Variants in THOC6 observed in about 807,000 individuals in gnomAD.
THOC6 encodes THO complex 6.
THOC6 carries 39 observed loss-of-function variants against 55.8 expected under a neutral mutation model. That is an observed-to-expected ratio of 0.70 (90% CI 0.54 to 0.91). THOC6 has a LOEUF of 0.91. THOC6 is among the 40% of genes least tolerant of loss of function. The pLI is 0.00. For synonymous variants in THOC6, 192 were observed against 175.6 expected, an observed-to-expected ratio of 1.09 and a Z score of -0.74; for missense variants, 482 against 442.0, an observed-to-expected ratio of 1.09 and a Z score of -0.81.
chr16:3,027,120 C>T (rs2072816572), intron 10 of THOC6, 47 bp downstream of exon 10: 2 of 1,614,128 alleles, frequency 1.2e-6, no homozygotes, highest in Non-Finnish European at 1.7e-6. Context: ...CGGGCCCTGT[C>T]AGCTGTGGGC....
rs1445930551 is a variant in THOC6 at position 3,026,283 on chromosome 16, AT to A, written c.358del (p.Tyr120ThrfsTer151). ...CKELWRRQPP[Y>X]RTSLEVPEIN... The stretch of plus-strand genomic sequence containing the variant: ...AGGAGCTGTGGCGTCGTCAGCCTCC[AT>A]ACAGGTGAGCAGGGCCACGTGGATA... On this transcript the variant is annotated frameshift_variant, in exon 5 of 13. Transcript: ENST00000326266. LOFTEE classifies it high-confidence loss of function. 1 of 1,614,154 alleles carries A rather than the reference AT, an allele frequency of 6.2e-7. No homozygotes were observed. The highest frequency in any genetic ancestry group is 2.2e-5 in the East Asian group (1 of 44,878).
intron 3 of THOC6, 25 bp from the exon 4 acceptor site, chr16:3,026,038 C>T (rs1217190441): frequency 4.3e-6 from 7 of 1,614,076 alleles, no homozygotes; most frequent in Non-Finnish European, 5.9e-6. Flanking sequence ...GGGATTGGCT[C>T]ACTCAGTTCT....
At chr16:3,024,924 C>CA (rs1567413789) in intron 1 of THOC6, among the ~76,000 whole-genome samples, 2 of 142,054 alleles carry the variant, frequency 1.4e-5, no homozygotes, top group Non-Finnish European at 3.1e-5. Flanking sequence ...TGTGAGCCAC[C>CA]ACGCCCGGCC....
chr16:3,027,558 A>G lies in THOC6; in HGVS notation c.946-19A>G. 6.2e-7 allele frequency: 1 copy of G among 1,613,510 alleles called. No homozygotes were observed. The highest frequency in any genetic ancestry group is 1.3e-5 in the African/African-American group (1 of 75,034). On this transcript the variant is annotated intron_variant, in intron 12 of 12. Coordinates refer to ENST00000326266, the MANE Select transcript of THOC6 (RefSeq NM_024339.5). The stretch of plus-strand genomic sequence containing the variant: ...AGGCAGGGGTGTGGGCAGGCCAGTC[A>G]TGCCCCTCTTTCCTCCAGGTCCTGA...
chr16:3,025,575 G>A (rs555830350), intron 1 of THOC6, 133 bp from the exon 2 acceptor site: 17 of 752,952 alleles, frequency 2.3e-5, no homozygotes, highest in South Asian at 1.4e-4. Context: ...GGCTTGGGGC[G>A]GGGCCGCCTC....
chr16:3,024,355 C>A lies in THOC6; in HGVS notation c.29C>A (p.Pro10His). 6.2e-7 allele frequency: 1 copy of A among 1,614,144 alleles called. No individual in the cohort carries two copies. The highest frequency in any genetic ancestry group is 8.5e-7 in the Non-Finnish European group (1 of 1,180,012). Residue 10 changes from proline to histidine, a missense_variant, in exon 1 of 13, where the codon CCT becomes CAT. Physicochemically the swap from Pro to His is moderately conservative, Grantham distance 77 (BLOSUM62 -2). Transcript: ENST00000326266. MERAVPLAV[P>H]LGQTEVFQAL... ...GAGCGAGCTGTGCCGCTCGCGGTGC[C>A]TCTGGGTCAGGTGAGACGGACGTGG...
rs1422098478 is a variant in THOC6, at chr16:3,027,659, C to T, written c.*2C>T. Reference sequence around the variant, plus strand: ...CGAGCCTTCTCCCTGTCCTTCTGATCTCTGACGACACCCCCAGCCAGCTCA... The same window carrying T: ...CGAGCCTTCTCCCTGTCCTTCTGATTTCTGACGACACCCCCAGCCAGCTCA... On this transcript the variant is annotated 3_prime_UTR_variant, in exon 13 of 13. Coordinates refer to ENST00000326266, the MANE Select transcript of THOC6 (RefSeq NM_024339.5). 1 of 1,613,664 alleles carries T rather than the reference C, an allele frequency of 6.2e-7. No homozygotes were observed. Among genetic ancestry groups the T allele is most frequent in the African/African-American group, 1.3e-5 (1 of 74,862 alleles).
intron 6 of THOC6, 47 bp downstream of exon 6, chr16:3,026,460 C>T (rs1316939449): frequency 5.6e-6 from 9 of 1,614,120 alleles, no homozygotes; most frequent in Non-Finnish European, 7.6e-6. Flanking sequence ...TGATCCTTCA[C>T]CCTCTGCCTA....
Position 3,027,188 on chromosome 16 carries a change from G to A in THOC6, c.718G>A (p.Ala240Thr). ...TGTCCAGGTCTGTGGAGGGGGCCCA[G>A]CCCTCACCCTCTGGCACCTCCGATC... The part of the protein sequence containing the change: ...SDWMVCGGGP[A>T]LTLWHLRSST... The change falls in exon 11 of 13, where the codon GCC becomes ACC. Residue 240 changes from alanine to threonine, a missense_variant. Coordinates refer to ENST00000326266, the MANE Select transcript of THOC6 (RefSeq NM_024339.5). 10 of 1,614,060 alleles carry A rather than the reference G, an allele frequency of 6.2e-6. No individual in the cohort carries two copies. The highest frequency in any genetic ancestry group is 8.5e-6 in the Non-Finnish European group (10 of 1,179,988).
At position 3,027,267 on chromosome 16, in the gene THOC6, T is replaced by C. The variant is rs1713019883; in HGVS notation, c.797T>C (p.Phe266Ser). 1 of 1,614,070 alleles carries C rather than the reference T, an allele frequency of 6.2e-7. No homozygotes were observed. The highest frequency in any genetic ancestry group is 1.7e-5 in the Admixed American group (1 of 60,014). Reference protein sequence around the residue: ...PIRAPQKHVTFYQDLILSAGQ... With the variant: ...PIRAPQKHVTSYQDLILSAGQ... ...CGGGCGCCACAGAAGCACGTCACCT[T>C]CTACCAGGACCTGGTGAGGCCCTGT... Residue 266 changes from phenylalanine (F) to serine (S), a missense_variant, in exon 11 of 13, where the codon TTC (phenylalanine) becomes TCC (serine). Phe to Ser is a radical substitution (Grantham distance 155). Coordinates refer to ENST00000326266, the MANE Select transcript of THOC6 (RefSeq NM_024339.5).
At chr16:3,024,637 C>CTTTTT (rs34833478) in intron 1 of THOC6, among the ~76,000 whole-genome samples, 1 of 126,088 alleles carries the variant, frequency 7.9e-6, no homozygotes, top group African/African-American at 3.1e-5. Context: ...TTGCAAAGCA[C>CTTTTT]TTTTTTTTTT....
At chr16:3,025,380 A>G (rs2072760148) in intron 1 of THOC6, among the ~76,000 whole-genome samples, 1 of 152,198 alleles carries the variant, frequency 6.6e-6, no homozygotes, top group Admixed American at 6.5e-5. Flanking sequence ...GCCCCATGTA[A>G]AGCTCTTGTC....
rs1681308120 is a variant in THOC6, at chr16:3,025,368, C to G, written c.40-340C>G. 1.3e-5 allele frequency among the ~76,000 whole-genome samples: 2 copies of G among 152,224 alleles called. 1 individual carries two copies. The highest frequency in any genetic ancestry group is 4.1e-4 in the South Asian group (2 of 4,832). ...CACACCCGGCTTAAGCACTGAGTGA[C>G]AGCCCCATGTAAAGCTCTTGTCTAT... On this transcript the variant is annotated intron_variant, in intron 1 of 12. Coordinates refer to ENST00000326266, the MANE Select transcript of THOC6 (RefSeq NM_024339.5).
In THOC6 at chr16:3,027,218, A is replaced by C. The variant is rs1555498821; in HGVS notation, c.748A>C (p.Thr250Pro). ...CACCCTCTGGCACCTCCGATCCTCC[A>C]CACCCACCACCATCTTCCCCATCCG... ...ALTLWHLRSS[T>P]PTTIFPIRAP... The change falls in exon 11 of 13, where the codon ACA becomes CCA. Residue 250 changes from threonine to proline, a missense_variant. Physicochemically the swap from Thr to Pro is conservative, Grantham distance 38 (BLOSUM62 -1). Coordinates refer to ENST00000326266, the MANE Select transcript of THOC6 (RefSeq NM_024339.5). 6.2e-7 allele frequency: 1 copy of C among 1,613,992 alleles called. No homozygotes were observed. Among genetic ancestry groups the C allele is most frequent in the Non-Finnish European group, 8.5e-7 (1 of 1,180,000 alleles).
Position 3,027,734 on chromosome 16 carries a change from A to G in THOC6, c.*77A>G. The G allele has an allele frequency of 6.8e-7, 1 of 1,460,856 alleles. No homozygotes were observed. The highest frequency in any genetic ancestry group is 9.2e-7 in the Non-Finnish European group (1 of 1,087,514). 90.5% of individuals were successfully genotyped at this position (1,460,856 alleles called of 1,614,324 possible). On this transcript the variant is annotated 3_prime_UTR_variant, in exon 13 of 13. Transcript: ENST00000326266. ...CTTTTTTTTTTTTTTTTTACAATAAAGTTTCAGGCTTTTTTACCATGCTCT... is the reference window on the plus strand; with the variant it reads ...CTTTTTTTTTTTTTTTTTACAATAAGGTTTCAGGCTTTTTTACCATGCTCT...
In THOC6 at chr16:3,027,367, T is replaced by G; in HGVS notation, c.812T>G (p.Ile271Ser). The G allele has an allele frequency of 6.2e-7, 1 of 1,613,086 alleles. No individual in the cohort carries two copies. The highest frequency in any genetic ancestry group is 2.2e-5 in the East Asian group (1 of 44,860). ...QKHVTFYQDL[I>S]LSAGQGRCVN... ...GAGCACCTTCCCTGTCCTCTGCAGA[T>G]TCTGTCAGCTGGCCAGGGCCGCTGC... Residue 271 changes from isoleucine (I) to serine (S), a missense_variant and splice_region_variant, in exon 12 of 13, where the codon ATT becomes AGT. Physicochemically the swap from Ile to Ser is moderately radical, Grantham distance 142. Transcript: ENST00000326266.
At position 3,026,120 on chromosome 16, in the gene THOC6, G is replaced by C. The variant is rs751851159; in HGVS notation, c.278G>C (p.Gly93Ala). 1 of 1,608,630 alleles carries C rather than the reference G, an allele frequency of 6.2e-7. No homozygotes were observed. The highest frequency in any genetic ancestry group is 8.5e-7 in the Non-Finnish European group (1 of 1,176,110). Reference sequence around the variant, plus strand: ...ACCGATCGACATCTGCTTAGTGCTGGGGATGGGGAGGTGAAGGCCTGGCTT... The same window carrying C: ...ACCGATCGACATCTGCTTAGTGCTGCGGATGGGGAGGTGAAGGCCTGGCTT... ...VSTDRHLLSA[G>A]DGEVKAWLWA... Residue 93 changes from glycine to alanine, a missense_variant, in exon 4 of 13, where the codon GGG (glycine) becomes GCG (alanine). Transcript: ENST00000326266.
In THOC6 at chr16:3,027,180, G is replaced by T; in HGVS notation, c.710G>T (p.Gly237Val). The T allele has an allele frequency of 6.2e-7, 1 of 1,614,096 alleles. No homozygotes were observed. Among genetic ancestry groups the T allele is most frequent in the East Asian group, 2.2e-5 (1 of 44,882 alleles). ...CACCTTTCTGTCCAGGTCTGTGGAG[G>T]GGGCCCAGCCCTCACCCTCTGGCAC... ...ATDSDWMVCG[G>V]GPALTLWHLR... The change falls in exon 11 of 13, where the codon GGG (glycine) becomes GTG (valine). Residue 237 changes from glycine to valine, a missense_variant. Gly to Val is a moderately radical substitution (Grantham distance 109). Transcript: ENST00000326266.
intron 9 of THOC6, 21 bp from the exon 10 acceptor site, chr16:3,026,990 C>A: frequency 1.2e-6 from 2 of 1,614,214 alleles, no homozygotes; most frequent in South Asian, 1.1e-5. Flanking sequence ...ACCTCTTTCC[C>A]TCCTCCCCTC....
Sources: gnomAD v4.1 joint callset for allele counts (sites outside exome capture counted in the v4.1 genomes callset) on GRCh38, gnomAD v4.1.1 for gene constraint, MANE v1.5 for transcripts, NCBI Gene and HGNC (gene_info 2026-07-23, HGNC 2026-07-21) for gene names.